Variants in NAV3 observed in about 807,000 individuals in gnomAD.
The protein encoded by NAV3 is neuron navigator 3, also known as pore membrane and/or filament interacting like protein 1.
NAV3 carries 87 observed loss-of-function variants against 244.7 expected under a neutral mutation model. The observed-to-expected ratio is 0.36, with a 90% CI of 0.30 to 0.42. The LOEUF is 0.42. Ranked by LOEUF, NAV3 falls within the 20% of genes least tolerant of loss-of-function variation. The probability of loss-of-function intolerance (pLI) is 1.00; values close to 1 mark genes in which losing one functional copy is unlikely to be tolerated. For synonymous variants in NAV3, 1,126 were observed against 1,042.2 expected, an observed-to-expected ratio of 1.08 and a Z score of -1.55; for missense variants, 2,663 against 2,893.3, an observed-to-expected ratio of 0.92 and a Z score of 1.83.
intron 12 of NAV3, among the ~76,000 whole-genome samples, chr12:78,115,841 A>G (rs1955350153): frequency 6.6e-6 from 1 of 152,200 alleles, no homozygotes. Context: ...AGGTTTGTAT[A>G]AGTACACTCT....
chr12:78,101,535 T>A (rs1207405822), intron 12 of NAV3, among the ~76,000 whole-genome samples: 1 of 152,126 alleles, frequency 6.6e-6, no homozygotes, highest in African/African-American at 2.4e-5. Flanking sequence ...AGTATATCAG[T>A]GTTTATATAG....
At chr12:78,038,265 A>T (rs138097999) in intron 9 of NAV3, among the ~76,000 whole-genome samples, 1 of 152,220 alleles carries the variant, frequency 6.6e-6, no homozygotes, top group Admixed American at 6.5e-5. Flanking sequence ...CCCTTCTTCC[A>T]TAAGTATTAA....
chr12:78,183,501 A>G (rs943340367), intron 30 of NAV3, among the ~76,000 whole-genome samples: 2 of 151,978 alleles, frequency 1.3e-5, no homozygotes, highest in Non-Finnish European at 2.9e-5. Flanking sequence ...AATTTGTTCA[A>G]GATCATGAAA....
At chr12:77,659,862 A>G (rs1244584325) in intron 2 of NAV3, among the ~76,000 whole-genome samples, 1 of 151,964 alleles carries the variant, frequency 6.6e-6, no homozygotes, top group East Asian at 1.9e-4. Flanking sequence ...TCGCAAGGAC[A>G]AAAACCAAAC....
intron 2 of NAV3, among the ~76,000 whole-genome samples, chr12:77,818,231 T>C (rs1391618472): frequency 6.6e-6 from 1 of 152,162 alleles, no homozygotes. Context: ...AAATCACAAA[T>C]ATTTTATTTC....
chr12:77,797,848 A>AG, intron 2 of NAV3, among the ~76,000 whole-genome samples: 1 of 151,548 alleles, frequency 6.6e-6, no homozygotes, highest in East Asian at 2.0e-4. Flanking sequence ...CAAAAAAAAA[A>AG]AAGTACCTTA....
intron 2 of NAV3, among the ~76,000 whole-genome samples, chr12:77,586,189 G>C (rs1476567955): frequency 1.3e-5 from 2 of 151,998 alleles, no homozygotes. Context: ...ATTGCTGTAA[G>C]ATTATAATTT....
At position 78,119,890 on chromosome 12, in the gene NAV3, G is replaced by A. The variant is rs2138638549; in HGVS notation, c.3694G>A (p.Gly1232Ser). 1 of 1,614,082 alleles carries A rather than the reference G, an allele frequency of 6.2e-7. No homozygotes were observed. Among genetic ancestry groups the A allele is most frequent in the Non-Finnish European group, 8.5e-7 (1 of 1,180,008 alleles). Residue 1232 changes from glycine to serine, a missense_variant, in exon 15 of 40, where the codon GGT becomes AGT. Coordinates refer to ENST00000397909, the MANE Select transcript of NAV3 (RefSeq NM_001024383.2). ...CTCTGCCAGCGCCTGTGGTGCACAA[G>A]GTCTCAGGCAGCCAGGATCCAAGTA... Reference protein sequence around the residue: ...PTSASACGAQGLRQPGSKYPD... With the variant: ...PTSASACGAQSLRQPGSKYPD...
In NAV3 at chr12:78,078,428, C is replaced by T. The variant is rs1232916359; in HGVS notation, c.2636+19313C>T. On this transcript the variant is annotated intron_variant, in intron 12 of 39. Transcript: ENST00000397909. ...TTTTTTTTTTTGAGACGGAGTCTCG[C>T]TCTGTCGCCCAGGCTGGAGTGCAGT... 6.3e-4 allele frequency among the ~76,000 whole-genome samples: 69 copies of T among 109,362 alleles called. 2 individuals carry two copies. The highest frequency in any genetic ancestry group is 1.1e-3 in the Non-Finnish European group (68 of 59,134). 71.7% of individuals were successfully genotyped at this position (109,362 alleles called of 152,430 possible). A position where few individuals can be genotyped will look rare whatever the true frequency, so the allele number is the denominator to read the frequency against.
At chr12:77,866,805 T>C (rs1280006325) in intron 1 of NAV3, among the ~76,000 whole-genome samples, 1 of 152,194 alleles carries the variant, frequency 6.6e-6, no homozygotes, top group East Asian at 1.9e-4. Flanking sequence ...AGATCTATAG[T>C]CAAATTCTTC....
At chr12:77,901,570 C>A (rs961150369) in intron 1 of NAV3, among the ~76,000 whole-genome samples, 3 of 151,956 alleles carry the variant, frequency 2.0e-5, no homozygotes, top group African/African-American at 7.3e-5. Context: ...ATTAACCAGG[C>A]GTGGTGACAG....
intron 2 of NAV3, among the ~76,000 whole-genome samples, chr12:77,651,792 T>A (rs755068545): frequency 1.3e-4 from 20 of 152,192 alleles, no homozygotes; most frequent in Non-Finnish European, 2.9e-4. Flanking sequence ...GTAATAGAAG[T>A]ACAGCTGAAG....
At chr12:77,936,858 C>A (rs1364090274) in intron 1 of NAV3, among the ~76,000 whole-genome samples, 1 of 152,070 alleles carries the variant, frequency 6.6e-6, no homozygotes, top group Non-Finnish European at 1.5e-5. Context: ...TACCATGTGT[C>A]CTTTGCTCGA....
At chr12:77,869,516 A>C (rs968696879) in intron 1 of NAV3, among the ~76,000 whole-genome samples, 1 of 152,158 alleles carries the variant, frequency 6.6e-6, no homozygotes, top group Non-Finnish European at 1.5e-5. Context: ...GGAACATGAC[A>C]TGTCTGTTCT....
intron 2 of NAV3, among the ~76,000 whole-genome samples, chr12:77,806,691 C>T (rs1273849348): frequency 2.0e-5 from 3 of 152,018 alleles, no homozygotes; most frequent in African/African-American, 7.2e-5. Flanking sequence ...TCTTCTTGGT[C>T]CAGAGCTGAG....
intron 2 of NAV3, among the ~76,000 whole-genome samples, chr12:77,716,998 C>A (rs1876391917): frequency 6.6e-6 from 1 of 151,904 alleles, no homozygotes; most frequent in Non-Finnish European, 1.5e-5. Flanking sequence ...AGATGTAAAC[C>A]AATCATGCTT....
chr12:77,704,561 C>A (rs1875706399), intron 2 of NAV3, among the ~76,000 whole-genome samples: 1 of 151,870 alleles, frequency 6.6e-6, no homozygotes, highest in African/African-American at 2.4e-5. Context: ...AACACATAAT[C>A]TTTTTTTTCT....
chr12:77,630,607 G>T (rs1871851043), intron 2 of NAV3, among the ~76,000 whole-genome samples: 1 of 152,096 alleles, frequency 6.6e-6, no homozygotes, highest in Non-Finnish European at 1.5e-5. Context: ...AACTGGCTGT[G>T]TGAAATGCAT....
chr12:78,106,155 G>T (rs1954791995), intron 12 of NAV3, among the ~76,000 whole-genome samples: 1 of 151,574 alleles, frequency 6.6e-6, no homozygotes, highest in Non-Finnish European at 1.5e-5. Context: ...TTTTATAGTT[G>T]ACATGAACAT....
Sources: allele counts gnomAD v4.1 joint callset (sites outside exome capture counted in the v4.1 genomes callset), GRCh38; gene constraint gnomAD v4.1.1; transcripts MANE v1.5; gene names NCBI Gene and HGNC (gene_info 2026-07-23, HGNC 2026-07-21).